RNF150: variants seen among roughly 807,000 people sequenced by gnomAD.
The protein encoded by RNF150 is ring finger protein 150.
RNF150 carries 24 observed loss-of-function variants against 39.3 expected under a neutral mutation model. That is an observed-to-expected ratio of 0.61 (90% CI 0.44 to 0.86). The LOEUF (loss-of-function observed/expected upper bound fraction) is 0.86, where lower values mean the gene tolerates loss of function less well. Ranked by LOEUF, RNF150 falls within the 40% of genes least tolerant of loss-of-function variation. The probability of loss-of-function intolerance (pLI) is 0.00; values close to 1 mark genes in which losing one functional copy is unlikely to be tolerated. For missense variants in RNF150, 502 were observed against 587.8 expected, an observed-to-expected ratio of 0.85 and a Z score of 1.51; for synonymous variants, 255 against 227.3, an observed-to-expected ratio of 1.12 and a Z score of -1.10.
chr4:141,156,224 T>C (rs1344190859), intron 1 of RNF150, among the ~76,000 whole-genome samples: 1 of 152,206 alleles, frequency 6.6e-6, no homozygotes, highest in Non-Finnish European at 1.5e-5. Context: ...CTGAACATTT[T>C]ATTTTTATTT....
chr4:140,870,998 C>T (rs1216924175), intron 6 of RNF150, among the ~76,000 whole-genome samples: 1 of 143,480 alleles, frequency 7.0e-6, no homozygotes, highest in Non-Finnish European at 1.6e-5. Context: ...CTCTCTCTCT[C>T]TCTCTATATA....
At chr4:140,959,680 C>A (rs1017307354) in intron 2 of RNF150, among the ~76,000 whole-genome samples, 1 of 152,100 alleles carries the variant, frequency 6.6e-6, no homozygotes, top group African/African-American at 2.4e-5. Context: ...CTCCACATGG[C>A]GTGTGAGGCT....
At chr4:141,203,560 G>A (rs1256105343) in intron 1 of RNF150, among the ~76,000 whole-genome samples, 1 of 151,810 alleles carries the variant, frequency 6.6e-6, no homozygotes, top group East Asian at 1.9e-4. Flanking sequence ...CTTCAACTTA[G>A]TTTACTAGAT....
intron 1 of RNF150, among the ~76,000 whole-genome samples, chr4:141,104,663 G>T (rs1739137795): frequency 6.6e-6 from 1 of 152,152 alleles, no homozygotes. Flanking sequence ...ATCCAAATTG[G>T]TTGCCATATT....
intron 2 of RNF150, among the ~76,000 whole-genome samples, chr4:140,958,871 C>T (rs1167819487): frequency 6.6e-6 from 1 of 152,152 alleles, no homozygotes; most frequent in East Asian, 1.9e-4. Flanking sequence ...GTTAAATGGA[C>T]AGTAAAATAT....
chr4:141,131,468 T>C (rs911869079), intron 1 of RNF150, among the ~76,000 whole-genome samples: 12 of 152,296 alleles, frequency 7.9e-5, no homozygotes, highest in African/African-American at 2.6e-4. Flanking sequence ...ATGGCTTTTT[T>C]GGGGGGAGGG....
intron 1 of RNF150, among the ~76,000 whole-genome samples, chr4:141,083,532 G>A (rs965201009): frequency 6.6e-6 from 1 of 152,158 alleles, no homozygotes; most frequent in Admixed American, 6.5e-5. Context: ...TGAAGTCACA[G>A]GAGGTGTTGA....
chr4:141,135,599 TAGGG>T (rs112046014), upstream of RNF150, among the ~76,000 whole-genome samples: 5 of 152,258 alleles, frequency 3.3e-5, no homozygotes, highest in African/African-American at 1.2e-4. Context: ...AGTAAATAAA[TAGGG>T]AGGAACAGCT....
At chr4:141,195,884 C>T (rs751873130) in intron 1 of RNF150, among the ~76,000 whole-genome samples, 3 of 152,010 alleles carry the variant, frequency 2.0e-5, no homozygotes, top group Non-Finnish European at 2.9e-5. Context: ...GAGTTATAGG[C>T]GCCTCATTAA....
chr4:141,133,205 C>G lies in RNF150; in HGVS notation c.-397G>C. 1 of 232,104 alleles carries G rather than the reference C, an allele frequency of 4.3e-6. No homozygotes were observed. The highest frequency in any genetic ancestry group is 5.5e-5 in the South Asian group (1 of 18,082). The allele number at this position is 232,104 out of a possible 1,614,324, so 14.4% of individuals were successfully genotyped here. A position where few individuals can be genotyped will look rare whatever the true frequency, so the allele number is the denominator to read the frequency against. ...CTGCGCCCTCCAGCCCCGGCGGGGACGGGCACGATTGCTCGTAGTCTGGGG... is the reference window on the plus strand; with the variant it reads ...CTGCGCCCTCCAGCCCCGGCGGGGAGGGGCACGATTGCTCGTAGTCTGGGG... On this transcript the variant is annotated 5_prime_UTR_variant, in exon 1 of 7. Transcript: ENST00000515673.
intron 1 of RNF150, among the ~76,000 whole-genome samples, chr4:141,166,259 G>A (rs1194571378): frequency 2.0e-5 from 3 of 152,150 alleles, no homozygotes; most frequent in Non-Finnish European, 4.4e-5. Context: ...GGGAGAAGTT[G>A]AATCCCTGAA....
At chr4:140,976,873 A>C (rs1010869630) in intron 1 of RNF150, among the ~76,000 whole-genome samples, 1 of 152,020 alleles carries the variant, frequency 6.6e-6, no homozygotes, top group African/African-American at 2.4e-5. Flanking sequence ...TTTTCACTTG[A>C]AATTTATGAT....
intron 6 of RNF150, among the ~76,000 whole-genome samples, chr4:140,895,600 T>G (rs1560952509): frequency 6.6e-6 from 1 of 152,240 alleles, no homozygotes. Context: ...TACTCTTAAC[T>G]TTGGTGGCAG....
intron 1 of RNF150, among the ~76,000 whole-genome samples, chr4:141,110,388 T>G (rs1216737075): frequency 8.5e-5 from 13 of 152,094 alleles, no homozygotes; most frequent in Admixed American, 8.5e-4. Context: ...TAAAATATTT[T>G]TAAAGCAAGG....
chr4:140,946,355 AT>A (rs1344412207), intron 4 of RNF150, among the ~76,000 whole-genome samples: 1 of 152,068 alleles, frequency 6.6e-6, no homozygotes, highest in Admixed American at 6.5e-5. Context: ...CTCTAAAGTA[AT>A]TTTTGTTTCT....
chr4:140,960,308 T>C (rs942850004), intron 2 of RNF150, among the ~76,000 whole-genome samples: 5 of 152,168 alleles, frequency 3.3e-5, no homozygotes, highest in African/African-American at 1.2e-4. Context: ...TACTGTGATA[T>C]ATAATAAGGA....
chr4:141,178,283 C>G (rs980855466), intron 1 of RNF150, among the ~76,000 whole-genome samples: 1 of 151,984 alleles, frequency 6.6e-6, no homozygotes, highest in Non-Finnish European at 1.5e-5. Flanking sequence ...CACACACATG[C>G]TATTTTCTCT....
chr4:140,909,456 T>C (rs1730511766), intron 6 of RNF150, among the ~76,000 whole-genome samples: 1 of 152,158 alleles, frequency 6.6e-6, no homozygotes, highest in African/African-American at 2.4e-5. Flanking sequence ...TTTGTCTCAA[T>C]AAAATTTAAG....
chr4:141,008,352 C>G (rs917952413), intron 1 of RNF150, among the ~76,000 whole-genome samples: 4 of 152,090 alleles, frequency 2.6e-5, no homozygotes, highest in African/African-American at 7.2e-5. Flanking sequence ...GTATTGCAAT[C>G]TCTTCTCCTA....
Sources: gnomAD v4.1 joint callset for allele counts (sites outside exome capture counted in the v4.1 genomes callset) on GRCh38, gnomAD v4.1.1 for gene constraint, MANE v1.5 for transcripts, NCBI Gene and HGNC (gene_info 2026-07-23, HGNC 2026-07-21) for gene names.